MRAS: variants seen among roughly 807,000 people sequenced by gnomAD.
MRAS encodes muscle RAS oncogene homolog.
In MRAS, 4 loss-of-function variants were observed where a neutral mutation model predicts 20.9. The observed-to-expected ratio is 0.19, with a 90% CI of 0.09 to 0.44. MRAS has a LOEUF of 0.44. MRAS is among the 20% of genes least tolerant of loss of function. MRAS has a pLI of 0.99. For missense variants in MRAS, 154 were observed against 277.5 expected (o/e 0.56, Z 3.16); for synonymous variants, 98 against 102.9 (o/e 0.95, Z 0.29).
chr3:138,355,590 C>T (rs1033258188), intron 1 of MRAS, among the ~76,000 whole-genome samples: 2 of 152,228 alleles, frequency 1.3e-5, no homozygotes, highest in Admixed American at 1.3e-4. Flanking sequence ...TCATTAAGTG[C>T]TGAGAATGTC....
Position 138,403,179 on chromosome 3 carries a change from G to A in MRAS, c.*910G>A, listed in dbSNP as rs1377461114. 1.3e-5 allele frequency: 2 copies of A among 152,100 alleles called. No homozygotes were observed. Among genetic ancestry groups the A allele is most frequent in the African/African-American group, 4.8e-5 (2 of 41,450 alleles). The allele number at this position is 152,100 out of a possible 1,614,324, so 9.4% of individuals were successfully genotyped here. ...TTGTTTTTCAGACAGTATGGGTTAAGTTCTCTGCCCTCCCCAGGGGTCTGA... is the reference window on the plus strand; with the variant it reads ...TTGTTTTTCAGACAGTATGGGTTAAATTCTCTGCCCTCCCCAGGGGTCTGA... On this transcript the variant is annotated 3_prime_UTR_variant, in exon 6 of 6. Coordinates refer to ENST00000423968, the MANE Select transcript of MRAS (RefSeq NM_001085049.3).
chr3:138,396,999 G>A (rs2055250504), intron 2 of MRAS, among the ~76,000 whole-genome samples: 1 of 152,202 alleles, frequency 6.6e-6, no homozygotes, highest in African/African-American at 2.4e-5. Flanking sequence ...GAGGGATTGT[G>A]TAGCAGAGTT....
At chr3:138,382,273 T>A (rs2054920640) in intron 2 of MRAS, among the ~76,000 whole-genome samples, 1 of 152,198 alleles carries the variant, frequency 6.6e-6, no homozygotes, top group South Asian at 2.1e-4. Context: ...AAGCCCTTCC[T>A]CACATTGCTG....
chr3:138,360,927 G>T (rs886200856), intron 1 of MRAS, among the ~76,000 whole-genome samples: 3 of 152,198 alleles, frequency 2.0e-5, no homozygotes, highest in African/African-American at 7.2e-5. Flanking sequence ...ATGAAGAGGG[G>T]CATGCCGAGC....
intron 2 of MRAS, 73 bp downstream of exon 2, chr3:138,373,149 C>T: frequency 7.9e-7 from 1 of 1,267,248 alleles, no homozygotes; most frequent in Non-Finnish European, 1.0e-6. Context: ...TGACAGGTTT[C>T]AGTGGGGCAA....
At chr3:138,372,791 G>A (rs2054702154) in intron 1 of MRAS, 75 bp from the exon 2 acceptor site, 1 of 1,092,164 alleles carries the variant, frequency 9.2e-7, no homozygotes, top group Admixed American at 3.2e-5. Context: ...ACTTTATAAA[G>A]GAGGAAAACA....
At chr3:138,356,694 C>A (rs1486475415) in intron 1 of MRAS, among the ~76,000 whole-genome samples, 1 of 152,220 alleles carries the variant, frequency 6.6e-6, no homozygotes, top group Non-Finnish European at 1.5e-5. Context: ...TTAAAAACTT[C>A]TATGAGCTAT....
rs1481847576 is a variant in MRAS at position 138,402,808 on chromosome 3, T to C, written c.*539T>C. 6.6e-6 allele frequency: 1 copy of C among 152,586 alleles called. No individual in the cohort carries two copies. Among genetic ancestry groups the C allele is most frequent in the Non-Finnish European group, 1.5e-5 (1 of 68,058 alleles). The allele number at this position is 152,586 out of a possible 1,614,324, so 9.5% of individuals were successfully genotyped here. A position where few individuals can be genotyped will look rare whatever the true frequency, so the allele number is the denominator to read the frequency against. On this transcript the variant is annotated 3_prime_UTR_variant, in exon 6 of 6. Coordinates refer to ENST00000423968, the MANE Select transcript of MRAS (RefSeq NM_001085049.3). ...CCTCTCTGGTAACATATCTGGAATA[T>C]TGTTGTTGTTTTTTAACCGAGTTTT...
chr3:138,400,718 T>A, intron 5 of MRAS, 105 bp downstream of exon 5: 2 of 929,674 alleles, frequency 2.2e-6, no homozygotes, highest in Middle Eastern at 2.8e-4. Flanking sequence ...GCCATGAGGC[T>A]GTGGAATTCT....
chr3:138,356,855 T>C (rs1197904607), intron 1 of MRAS, among the ~76,000 whole-genome samples: 1 of 152,190 alleles, frequency 6.6e-6, no homozygotes, highest in Non-Finnish European at 1.5e-5. Flanking sequence ...TAAGGCCAGC[T>C]GGCATCATAG....
At chr3:138,379,220 T>C (rs1404681161) in intron 2 of MRAS, among the ~76,000 whole-genome samples, 1 of 152,138 alleles carries the variant, frequency 6.6e-6, no homozygotes, top group East Asian at 1.9e-4. Flanking sequence ...CATTCCACTC[T>C]CTACCTCCAT....
intron 1 of MRAS, among the ~76,000 whole-genome samples, chr3:138,363,678 G>A (rs1287131130): frequency 1.3e-5 from 2 of 152,108 alleles, no homozygotes; most frequent in Non-Finnish European, 2.9e-5. Context: ...GCATGTGTGT[G>A]TCTTGAGAGG....
rs541092007 is a variant in MRAS, at chr3:138,348,740, C to A, written c.-46C>A. 2.0e-5 allele frequency: 3 copies of A among 151,602 alleles called. No individual in the cohort carries two copies. Among genetic ancestry groups the A allele is most frequent in the East Asian group, 2.0e-4 (1 of 5,106 alleles). The allele number at this position is 151,602 out of a possible 1,614,324, so 9.4% of individuals were successfully genotyped here. A position where few individuals can be genotyped will look rare whatever the true frequency, so the allele number is the denominator to read the frequency against. ...GGCTAGGAGGGGGCGGCCTGAGTGCCGTAGCCGAGCCGGGGCTGGAGCGCG... is the reference window on the plus strand; with the variant it reads ...GGCTAGGAGGGGGCGGCCTGAGTGCAGTAGCCGAGCCGGGGCTGGAGCGCG... On this transcript the variant is annotated 5_prime_UTR_variant, in exon 1 of 6. Coordinates refer to ENST00000423968, the MANE Select transcript of MRAS (RefSeq NM_001085049.3).
In MRAS at chr3:138,402,305, G is replaced by A; in HGVS notation, c.*36G>A. On this transcript the variant is annotated 3_prime_UTR_variant, in exon 6 of 6. Coordinates refer to ENST00000423968, the MANE Select transcript of MRAS (RefSeq NM_001085049.3). ...GCCCTGGGCACAGTGACGGTGGCCT[G>A]GCCAGCCCTCGGGACCCCTCCCCAC... 4 of 1,586,202 alleles carry A rather than the reference G, an allele frequency of 2.5e-6. No individual in the cohort carries two copies. Among genetic ancestry groups the A allele is most frequent in the Non-Finnish European group, 1.7e-6 (2 of 1,156,040 alleles).
intron 1 of MRAS, 79 bp from the exon 2 acceptor site, chr3:138,372,787 T>C: frequency 9.3e-7 from 1 of 1,077,346 alleles, no homozygotes; most frequent in Non-Finnish European, 1.3e-6. Context: ...TATTACTTTA[T>C]AAAGGAGGAA....
At chr3:138,356,874 T>C (rs2054345143) in intron 1 of MRAS, among the ~76,000 whole-genome samples, 1 of 152,136 alleles carries the variant, frequency 6.6e-6, no homozygotes, top group Non-Finnish European at 1.5e-5. Flanking sequence ...AGCCTTCCCA[T>C]CCACCCCTAC....
chr3:138,394,957 C>T (rs1171655292), intron 2 of MRAS, among the ~76,000 whole-genome samples: 1 of 152,240 alleles, frequency 6.6e-6, no homozygotes, highest in Non-Finnish European at 1.5e-5. Flanking sequence ...TCCCTGCTTC[C>T]AGTCTTGCTC....
At chr3:138,355,131 G>A (rs2054305009) in intron 1 of MRAS, among the ~76,000 whole-genome samples, 2 of 152,104 alleles carry the variant, frequency 1.3e-5, no homozygotes, top group African/African-American at 4.8e-5. Context: ...TTTAAGAGAA[G>A]GAAACTAAAA....
intron 4 of MRAS, chr3:138,400,194 C>T (rs1249672097): frequency 4.8e-6 from 1 of 208,368 alleles, no homozygotes; most frequent in Non-Finnish European, 9.5e-6. Context: ...AGCAACAGAC[C>T]TCAGAAAGAA....
Sources: gnomAD v4.1 joint callset for allele counts (sites outside exome capture counted in the v4.1 genomes callset) on GRCh38, gnomAD v4.1.1 for gene constraint, MANE v1.5 for transcripts, NCBI Gene and HGNC (gene_info 2026-07-23, HGNC 2026-07-21) for gene names.